The following CUL9 variants were observed in gnomAD, a reference collection of about 807,000 sequenced individuals.
CUL9 encodes the protein cullin-9.
CUL9 carries 79 observed loss-of-function variants against 272.6 expected under a neutral mutation model. That is an observed-to-expected ratio of 0.29 (90% CI 0.24 to 0.35). CUL9 has a LOEUF of 0.35. CUL9 is among the 10% of genes least tolerant of loss of function. CUL9 has a pLI of 1.00. For synonymous variants in CUL9, 1,186 were observed against 1,286.5 expected, an observed-to-expected ratio of 0.92 and a Z score of 1.67; for missense variants, 2,532 against 3,255.6, an observed-to-expected ratio of 0.78 and a Z score of 5.41.
chr6:43,187,152 G>A, intron 5 of CUL9, 57 bp downstream of exon 5: 4 of 1,606,750 alleles, frequency 2.5e-6, no homozygotes, highest in Non-Finnish European at 3.4e-6. Context: ...TAGTGACTGG[G>A]ATGAAGCCAC....
At chr6:43,222,233 C>G in intron 35 of CUL9, 83 bp from the exon 36 acceptor site, 1 of 1,085,500 alleles carries the variant, frequency 9.2e-7, no homozygotes, top group Non-Finnish European at 1.4e-6. Context: ...AGAAAGGCCT[C>G]CGTGAATGTT....
At chr6:43,193,592 G>A (rs1773719052) in intron 9 of CUL9, among the ~76,000 whole-genome samples, 1 of 152,058 alleles carries the variant, frequency 6.6e-6, no homozygotes, top group African/African-American at 2.4e-5. Flanking sequence ...TGTTGCCTAG[G>A]CTGGAGTGCA....
intron 31 of CUL9, among the ~76,000 whole-genome samples, chr6:43,219,789 G>A (rs533956853): frequency 2.0e-5 from 3 of 152,258 alleles, no homozygotes; most frequent in South Asian, 4.1e-4. Flanking sequence ...GGGAGAGACC[G>A]GGAGAGGAGA....
chr6:43,224,317 T>A lies in CUL9; in HGVS notation c.7426T>A (p.Trp2476Arg). 1 of 1,614,002 alleles carries A rather than the reference T, an allele frequency of 6.2e-7. No homozygotes were observed. ...AGACGATGAGGATGATGTGCCCGAG[T>A]GGCAGCAGGATGAGTTTGATGAGGA... is the stretch of plus-strand genomic sequence containing the variant. ...EEDDEDDVPE[W>R]QQDEFDEELD... is the part of the protein sequence containing the mutation. The change falls in exon 41 of 41, where the codon TGG becomes AGG. Residue 2476 changes from tryptophan to arginine, a missense_variant. Transcript: ENST00000252050. This position sits in a 1 kb window ranked among gnomAD's most constrained non-coding sequence, Gnocchi z 4.2.
chr6:43,203,819 C>A lies in CUL9; in HGVS notation c.4026-35C>A. The A allele has an allele frequency of 6.4e-7, 1 of 1,570,180 alleles. No individual in the cohort carries two copies. Among genetic ancestry groups the A allele is most frequent in the African/African-American group, 1.4e-5 (1 of 74,002 alleles). ...AATGGAGGCCTCTGGGAAATCGGTG[C>A]CATTAATCCTCCGCCATGCACTGTT... On this transcript the variant is annotated intron_variant, in intron 19 of 40. Transcript: ENST00000252050. The surrounding 1 kb of genome is among the most constrained non-coding windows in gnomAD (Gnocchi z 5.0).
rs1303813641 is a variant in CUL9 at position 43,203,750 on chromosome 6, G to T, written c.4026-104G>T. 6.6e-6 allele frequency: 10 copies of T among 1,522,352 alleles called. No homozygotes were observed. The highest frequency in any genetic ancestry group is 8.8e-6 in the Non-Finnish European group (10 of 1,130,620). The allele number at this position is 1,522,352 out of a possible 1,614,324, so 94.3% of individuals were successfully genotyped here. ...AGTTTGTGTTAATTGGGAAAAGTTGGGTCAGGGACCGAACAGGGGTGATTG... is the reference window on the plus strand; with the variant it reads ...AGTTTGTGTTAATTGGGAAAAGTTGTGTCAGGGACCGAACAGGGGTGATTG... On this transcript the variant is annotated intron_variant, in intron 19 of 40. Coordinates refer to ENST00000252050, the MANE Select transcript of CUL9 (RefSeq NM_015089.4). This position sits in a 1 kb window ranked among gnomAD's most constrained non-coding sequence, Gnocchi z 5.0.
Position 43,182,259 on chromosome 6 carries a change from G to A in CUL9, c.-10+10G>A, listed in dbSNP as rs1772444625. On this transcript the variant is annotated intron_variant, in intron 1 of 40. Transcript: ENST00000252050. ...AGCCGGGCGGTGGGAGGTGAGAGGAGAGTTCTGCGCCGACCCAATCCCTCC... is the reference window on the plus strand; with the variant it reads ...AGCCGGGCGGTGGGAGGTGAGAGGAAAGTTCTGCGCCGACCCAATCCCTCC... 6.6e-6 allele frequency: 1 copy of A among 152,408 alleles called. No individual in the cohort carries two copies. The highest frequency in any genetic ancestry group is 2.1e-4 in the South Asian group (1 of 4,838). 9.4% of individuals were successfully genotyped at this position (152,408 alleles called of 1,614,324 possible).
chr6:43,203,820 C>T lies in CUL9; in HGVS notation c.4026-34C>T, dbSNP rs776087423. The T allele has an allele frequency of 1.9e-6, 3 of 1,573,478 alleles. No homozygotes were observed. The highest frequency in any genetic ancestry group is 2.6e-6 in the Non-Finnish European group (3 of 1,154,916). ...ATGGAGGCCTCTGGGAAATCGGTGCCATTAATCCTCCGCCATGCACTGTTT... is the reference window on the plus strand; with the variant it reads ...ATGGAGGCCTCTGGGAAATCGGTGCTATTAATCCTCCGCCATGCACTGTTT... On this transcript the variant is annotated intron_variant, in intron 19 of 40. Coordinates refer to ENST00000252050, the MANE Select transcript of CUL9 (RefSeq NM_015089.4). This position sits in a 1 kb window ranked among gnomAD's most constrained non-coding sequence, Gnocchi z 5.0.
At chr6:43,185,845 A>C (rs576284245) in intron 3 of CUL9, 110 bp from the exon 4 acceptor site, 366 of 1,406,816 alleles carry the variant, frequency 2.6e-4, no homozygotes, top group Non-Finnish European at 3.3e-4. Context: ...TCAGAACTAC[A>C]GGCCTGGGGA....
Position 43,224,157 on chromosome 6 carries a change from G to C in CUL9, c.7347G>C (p.Met2449Ile). 6.2e-7 allele frequency: 1 copy of C among 1,614,252 alleles called. No individual in the cohort carries two copies. The highest frequency in any genetic ancestry group is 8.5e-7 in the Non-Finnish European group (1 of 1,180,032). The change falls in exon 40 of 41, where the codon ATG (methionine) becomes ATC (isoleucine). Residue 2449 changes from methionine (M) to isoleucine (I), a missense_variant. Met to Ile is a conservative substitution (Grantham distance 10). Around this residue, in one of 3 missense-constraint regions of CUL9, gnomAD observed 237 missense variants for 305.9 expected, o/e 0.77. Coordinates refer to ENST00000252050, the MANE Select transcript of CUL9 (RefSeq NM_015089.4). The surrounding 1 kb of genome is among the most constrained non-coding windows in gnomAD (Gnocchi z 4.2). ...VEAWEAKGPN[M>I]PGSQPQASSG... is the part of the protein sequence containing the mutation. ...CCTGGGAGGCAAAAGGACCCAACAT[G>C]CCTGGCAGTCAGTAAGTGGGGTGGG...
chr6:43,216,082 G>A, intron 30 of CUL9, 76 bp from the exon 31 acceptor site: 1 of 1,373,184 alleles, frequency 7.3e-7, no homozygotes, highest in East Asian at 2.4e-5. Context: ...AGGGAGCTGG[G>A]GGCCAGGTGG....
In CUL9 at chr6:43,222,825, A is replaced by C. The variant is rs759566080; in HGVS notation, c.7079A>C (p.Glu2360Ala). The C allele has an allele frequency of 6.2e-7, 1 of 1,613,982 alleles. No homozygotes were observed. Among genetic ancestry groups the C allele is most frequent in the Non-Finnish European group, 8.5e-7 (1 of 1,180,006 alleles). The change falls in exon 38 of 41, where the codon GAG becomes GCG. Residue 2360 changes from glutamate to alanine, a missense_variant. Glu to Ala is a moderately radical substitution (Grantham distance 107). This residue lies in a region of CUL9 where 237 missense variants were observed against 305.9 expected (regional missense o/e 0.77). Coordinates refer to ENST00000252050, the MANE Select transcript of CUL9 (RefSeq NM_015089.4). ...CVYSFYSQDA[E>A]YMDVVEQQTE... is the part of the protein sequence containing the mutation. ...TACAGCTTCTACAGCCAGGACGCAG[A>C]GTACATGGATGTGGTGGAGCAGCAG...
In CUL9 at chr6:43,206,680, T is replaced by G. The variant is rs1775072285; in HGVS notation, c.5212+170T>G. Among the ~76,000 whole-genome samples, 2 of 152,224 alleles carry G rather than the reference T, an allele frequency of 1.3e-5. No individual in the cohort carries two copies. The highest frequency in any genetic ancestry group is 1.3e-4 in the Admixed American group (2 of 15,286). On this transcript the variant is annotated intron_variant, in intron 26 of 40. Transcript: ENST00000252050. The surrounding 1 kb of genome is among the most constrained non-coding windows in gnomAD (Gnocchi z 4.8). ...TCATTAATTTCTGCTCTCATCAGTTTCTTCAACTTTCTATGAATTTGTTCT... is the reference window on the plus strand; with the variant it reads ...TCATTAATTTCTGCTCTCATCAGTTGCTTCAACTTTCTATGAATTTGTTCT...
intron 24 of CUL9, among the ~76,000 whole-genome samples, 180 bp from the exon 25 acceptor site, chr6:43,205,827 C>T (rs1185617412): frequency 1.5e-5 from 2 of 137,786 alleles, no homozygotes; most frequent in African/African-American, 2.7e-5. Context: ...AAGACTCCGT[C>T]TCAAAAAAAA....
chr6:43,184,267 T>G lies in CUL9; in HGVS notation c.-9-35T>G. 7.3e-7 allele frequency: 1 copy of G among 1,375,344 alleles called. No individual in the cohort carries two copies. Among genetic ancestry groups the G allele is most frequent in the Non-Finnish European group, 9.5e-7 (1 of 1,050,292 alleles). The allele number at this position is 1,375,344 out of a possible 1,614,324, so 85.2% of individuals were successfully genotyped here. A position where few individuals can be genotyped will look rare whatever the true frequency, so the allele number is the denominator to read the frequency against. On this transcript the variant is annotated intron_variant, in intron 1 of 40. Coordinates refer to ENST00000252050, the MANE Select transcript of CUL9 (RefSeq NM_015089.4). This position sits in a 1 kb window ranked among gnomAD's most constrained non-coding sequence, Gnocchi z 4.8. ...CCCTCCATGTATTTTTTTTCTTTTC[T>G]CATACTGCCTTATCTTTCTCCTTGT...
chr6:43,213,963 G>T lies in CUL9; in HGVS notation c.5688+51G>T. ...TGGCGGAGGGAGGGAGTCATGCTTGGGATTGGGGATGAACACAGTGAACTC... is the reference window on the plus strand; with the variant it reads ...TGGCGGAGGGAGGGAGTCATGCTTGTGATTGGGGATGAACACAGTGAACTC... On this transcript the variant is annotated intron_variant, in intron 29 of 40. Transcript: ENST00000252050. This position sits in a 1 kb window ranked among gnomAD's most constrained non-coding sequence, Gnocchi z 5.7. 1.3e-6 allele frequency: 2 copies of T among 1,575,102 alleles called. No individual in the cohort carries two copies. Among genetic ancestry groups the T allele is most frequent in the South Asian group, 2.2e-5 (2 of 90,174 alleles).
chr6:43,216,350 T>C lies in CUL9; in HGVS notation c.6129T>C (p.Ser2043=), dbSNP rs752577771. 5.0e-6 allele frequency: 8 copies of C among 1,614,162 alleles called. No homozygotes were observed. Among genetic ancestry groups the C allele is most frequent in the Non-Finnish European group, 6.8e-6 (8 of 1,180,018 alleles). The change falls in exon 31 of 41, where the codon AGT becomes AGC. Residue 2043 remains serine, a synonymous_variant. Transcript: ENST00000252050. Reference sequence around the variant, plus strand: ...CTGAACAGCTGCTGCAGAGCTACAGTGAGGACCCTGAGCCACTGCTGCTGG... The same window carrying C: ...CTGAACAGCTGCTGCAGAGCTACAGCGAGGACCCTGAGCCACTGCTGCTGG... ...WGAEQLLQSY[S]EDPEPLLLAA... is the part of the protein sequence containing the mutation.
In CUL9 at chr6:43,210,951, A is replaced by G. The variant is rs553853097; in HGVS notation, c.5213-2198A>G. Among the ~76,000 whole-genome samples the G allele has an allele frequency of 5.9e-5, 9 of 152,036 alleles. No homozygotes were observed. The South Asian group carries it at 6.2e-4, about 11-fold the overall frequency. On this transcript the variant is annotated intron_variant, in intron 26 of 40. Transcript: ENST00000252050. ...TTTAAAACATTTCTTTTTTGTCTAT[A>G]TCAGTTTTAGAACTTAGGCATTCTA...
At chr6:43,216,838 C>T (rs1775982111) in intron 31 of CUL9, among the ~76,000 whole-genome samples, 1 of 152,196 alleles carries the variant, frequency 6.6e-6, no homozygotes, top group South Asian at 2.1e-4. Context: ...GAGAAATCTA[C>T]AGGAAGTTTT....
Sources: allele counts gnomAD v4.1 joint callset (sites outside exome capture counted in the v4.1 genomes callset), GRCh38; gene constraint gnomAD v4.1.1; regional missense constraint gnomAD v4.1.1; non-coding constraint Gnocchi (gnomAD v3.1); transcripts MANE v1.5; gene names NCBI Gene and HGNC (gene_info 2026-07-23, HGNC 2026-07-21).